MIB1: variants seen among roughly 807,000 people sequenced by gnomAD.
MIB1 encodes the protein E3 ubiquitin-protein ligase MIB1.
In MIB1, 278 loss-of-function variants were observed where a neutral mutation model predicts 124.5. The observed-to-expected ratio is 2.23, with a 90% CI of 2.02 to 2.47. MIB1 has a LOEUF of 2.47. MIB1 is among the 30% of genes most tolerant of loss of function. The pLI, the probability that MIB1 is intolerant of heterozygous loss-of-function variation, is 0.00. For missense variants in MIB1, 957 were observed against 1,254.4 expected, an observed-to-expected ratio of 0.76 and a Z score of 3.58; for synonymous variants, 446 against 429.4, an observed-to-expected ratio of 1.04 and a Z score of -0.48.
chr18:21,774,326 C>A (rs980999331), intron 4 of MIB1, among the ~76,000 whole-genome samples: 1 of 152,176 alleles, frequency 6.6e-6, no homozygotes, highest in Non-Finnish European at 1.5e-5. Flanking sequence ...CGGTGGCTCA[C>A]GCCTGTAATC....
Position 21,829,540 on chromosome 18 carries a change from A to T in MIB1, c.1830-8825A>T, listed in dbSNP as rs548914098. ...AAACCTAACAAATTAACCAATAAGT[A>T]TTTCTGATATTGACTCTAGAAGTTG... On this transcript the variant is annotated intron_variant, in intron 12 of 20. Transcript: ENST00000261537. 6.6e-5 allele frequency: 10 copies of T among 152,276 alleles called. No homozygotes were observed. The East Asian group carries it at 1.5e-3, about 23-fold the overall frequency. 9.4% of individuals were successfully genotyped at this position (152,276 alleles called of 1,614,324 possible). A position where few individuals can be genotyped will look rare whatever the true frequency, so the allele number is the denominator to read the frequency against.
At chr18:21,808,423 C>CTA (rs1264314069) in intron 10 of MIB1, among the ~76,000 whole-genome samples, 3 of 152,138 alleles carry the variant, frequency 2.0e-5, no homozygotes, top group African/African-American at 7.2e-5. Flanking sequence ...CGATAAGAGA[C>CTA]TATATGGCCT....
At chr18:21,728,771 A>G (rs1206517822) in intron 1 of MIB1, among the ~76,000 whole-genome samples, 1 of 152,232 alleles carries the variant, frequency 6.6e-6, no homozygotes, top group East Asian at 1.9e-4. Context: ...TAGCATATCC[A>G]CGATCTCAAA....
chr18:21,811,937 A>T (rs1018450612), intron 10 of MIB1, among the ~76,000 whole-genome samples: 1 of 152,190 alleles, frequency 6.6e-6, no homozygotes, highest in African/African-American at 2.4e-5. Context: ...TTTAAGGATT[A>T]TATTCAACAC....
intron 1 of MIB1, among the ~76,000 whole-genome samples, chr18:21,734,464 TTCTCTCTCTCTCTTTCTCTC>T (rs2040786285): frequency 1.6e-5 from 2 of 127,400 alleles, no homozygotes; most frequent in African/African-American, 3.1e-5. Flanking sequence ...TTTCTTTTCT[TTCTCTCTCTCTCTTTCTCTC>T]TCTCTCTCTC....
At chr18:21,724,726 AAATATATAT>A (rs1489675980) in intron 1 of MIB1, among the ~76,000 whole-genome samples, 2 of 52,828 alleles carry the variant, frequency 3.8e-5, no homozygotes, top group African/African-American at 7.6e-5. Context: ...AAAAAAAAAA[AAATATATAT>A]ATATATATAT....
chr18:21,717,287 A>C (rs1025753934), intron 1 of MIB1, among the ~76,000 whole-genome samples: 1 of 152,210 alleles, frequency 6.6e-6, no homozygotes, highest in African/African-American at 2.4e-5. Context: ...GAAACTCTAA[A>C]AATTCTAGAA....
At chr18:21,798,583 T>C (rs923020619) in intron 8 of MIB1, among the ~76,000 whole-genome samples, 1 of 152,166 alleles carries the variant, frequency 6.6e-6, no homozygotes. Flanking sequence ...ATCACTTTCT[T>C]AGACTTCTTT....
At chr18:21,806,059 C>T (rs1043594714) in intron 10 of MIB1, among the ~76,000 whole-genome samples, 3 of 151,698 alleles carry the variant, frequency 2.0e-5, no homozygotes, top group East Asian at 3.9e-4. Flanking sequence ...TGCACCATTA[C>T]GCTGGGCTAA....
chr18:21,768,051 A>G (rs1365255289), intron 2 of MIB1, among the ~76,000 whole-genome samples: 4 of 152,212 alleles, frequency 2.6e-5, no homozygotes, highest in Non-Finnish European at 5.9e-5. Flanking sequence ...TGAGTCAACC[A>G]AAGTCCCTGC....
intron 6 of MIB1, among the ~76,000 whole-genome samples, chr18:21,790,204 A>G (rs768042220): frequency 6.6e-6 from 1 of 152,198 alleles, no homozygotes; most frequent in Non-Finnish European, 1.5e-5. Flanking sequence ...GTTTGGCTCT[A>G]TTGGAATTGT....
chr18:21,757,054 T>C (rs796900361), intron 1 of MIB1, among the ~76,000 whole-genome samples: 2 of 152,130 alleles, frequency 1.3e-5, no homozygotes, highest in Non-Finnish European at 2.9e-5. Flanking sequence ...CTTTAGCAGC[T>C]CAAGACATTT....
intron 1 of MIB1, among the ~76,000 whole-genome samples, chr18:21,758,620 C>T (rs924417295): frequency 1.3e-5 from 2 of 151,948 alleles, no homozygotes; most frequent in Non-Finnish European, 2.9e-5. Context: ...CTGCAACCTC[C>T]GCCTCCTGGG....
Position 21,741,923 on chromosome 18 carries a change from G to T in MIB1, c.229+111G>T. ...TGCAGTGGGACACCTGGTGGGCAGC[G>T]CCCGGCTGGAGCGAGCGGAAAGGCA... On this transcript the variant is annotated intron_variant, in intron 1 of 20. Transcript: ENST00000261537. The surrounding 1 kb of genome is among the most constrained non-coding windows in gnomAD (Gnocchi z 5.4). 1 of 967,940 alleles carries T rather than the reference G, an allele frequency of 1.0e-6. No individual in the cohort carries two copies. Among genetic ancestry groups the T allele is most frequent in the East Asian group, 2.9e-5 (1 of 34,994 alleles). 60.0% of individuals were successfully genotyped at this position (967,940 alleles called of 1,614,324 possible).
In MIB1 at chr18:21,868,261, A is replaced by G. The variant is rs772428137; in HGVS notation, c.*3595A>G. 3 of 152,224 alleles carry G rather than the reference A, an allele frequency of 2.0e-5. No individual in the cohort carries two copies. Among genetic ancestry groups the G allele is most frequent in the Non-Finnish European group, 4.4e-5 (3 of 67,920 alleles). The allele number at this position is 152,224 out of a possible 1,614,324, so 9.4% of individuals were successfully genotyped here. A position where few individuals can be genotyped will look rare whatever the true frequency, so the allele number is the denominator to read the frequency against. On this transcript the variant is annotated 3_prime_UTR_variant, in exon 21 of 21. Transcript: ENST00000261537. ...CTTGCAAAACTGAAACTCCATACCC[A>G]TTAAACAACTCCCCTTTTTGTTTTC...
chr18:21,723,018 C>CCA (rs1555685560), intron 1 of MIB1, among the ~76,000 whole-genome samples: 6 of 151,890 alleles, frequency 4.0e-5, no homozygotes, highest in Non-Finnish European at 2.9e-5. Flanking sequence ...GAGGGAGTAT[C>CCA]TATATATATA....
Position 21,768,663 on chromosome 18 carries a change from G to A in MIB1, c.442G>A (p.Ala148Thr), listed in dbSNP as rs369261422. Residue 148 changes from alanine to threonine, a missense_variant, in exon 3 of 21, where the codon GCC becomes ACC. Ala to Thr is a moderately conservative substitution (Grantham distance 58, BLOSUM62 0). Coordinates refer to ENST00000261537, the MANE Select transcript of MIB1 (RefSeq NM_020774.4). ...TCGTAGGAAATCTAAGAAGATTACAGCCAGAGGAATCTTTGCAGGTGCCAG... is the reference window on the plus strand; with the variant it reads ...TCGTAGGAAATCTAAGAAGATTACAACCAGAGGAATCTTTGCAGGTGCCAG... The part of the protein sequence containing the change: ...ESRRKSKKIT[A>T]RGIFAGARVV... 12 of 1,599,490 alleles carry A rather than the reference G, an allele frequency of 7.5e-6. No individual in the cohort carries two copies. Among genetic ancestry groups the A allele is most frequent in the Non-Finnish European group, 1.0e-5 (12 of 1,172,058 alleles).
chr18:21,797,470 C>T (rs916382411), intron 7 of MIB1, among the ~76,000 whole-genome samples: 14 of 151,640 alleles, frequency 9.2e-5, no homozygotes, highest in African/African-American at 3.1e-4. Context: ...TGGGGGTGAG[C>T]GGTAATTTTG....
intron 4 of MIB1, 39 bp from the exon 5 acceptor site, chr18:21,778,064 A>G: frequency 7.0e-7 from 1 of 1,424,148 alleles, no homozygotes. Flanking sequence ...CCATATTTGA[A>G]GTTTCATGGG....
Sources: gnomAD v4.1 joint callset for allele counts (sites outside exome capture counted in the v4.1 genomes callset) on GRCh38, gnomAD v4.1.1 for gene constraint, Gnocchi (gnomAD v3.1) non-coding constraint, MANE v1.5 for transcripts, NCBI Gene and HGNC (gene_info 2026-07-23, HGNC 2026-07-21) for gene names.